The following SERPINE2 variants were observed in gnomAD, a reference collection of about 807,000 sequenced individuals.
SERPINE2 encodes the protein glia-derived nexin.
In SERPINE2, 14 loss-of-function variants were observed where a neutral mutation model predicts 36.3. The ratio of observed to expected loss-of-function variants is 0.39; its 90% confidence interval spans 0.25 to 0.60. SERPINE2 has a LOEUF of 0.60. SERPINE2 is among the 20% of genes least tolerant of loss of function. The pLI is 0.57. For synonymous variants in SERPINE2, 192 were observed against 191.8 expected, an observed-to-expected ratio of 1.00 and a Z score of -0.01; for missense variants, 418 against 499.6, an observed-to-expected ratio of 0.84 and a Z score of 1.56.
intron 1 of SERPINE2, among the ~76,000 whole-genome samples, chr2:224,002,965 C>G (rs149416069): frequency 1.3e-4 from 20 of 152,120 alleles, no homozygotes; most frequent in Non-Finnish European, 2.4e-4. Context: ...AATAAGCCAG[C>G]AAGCAATAAA....
At chr2:223,992,805 A>G (rs994079208) in intron 3 of SERPINE2, among the ~76,000 whole-genome samples, 15 of 152,196 alleles carry the variant, frequency 9.9e-5, no homozygotes, top group African/African-American at 3.6e-4. Context: ...TACAATTATT[A>G]TGGGTCAATG....
chr2:223,982,631 G>C (rs1481339410), intron 6 of SERPINE2, 50 bp downstream of exon 6: 6 of 1,137,248 alleles, frequency 5.3e-6, no homozygotes, highest in Non-Finnish European at 6.6e-6. Flanking sequence ...ATCAGTCTCA[G>C]TTTGTAACAC....
chr2:224,005,075 A>T (rs899370780), intron 1 of SERPINE2, among the ~76,000 whole-genome samples: 31 of 7,968 alleles, frequency 3.9e-3, no homozygotes, highest in Admixed American at 0.01. Flanking sequence ...TTATATATAT[A>T]TATATATATA....
chr2:224,034,983 G>A (rs6746836), intron 1 of SERPINE2, among the ~76,000 whole-genome samples: 4,341 of 152,278 alleles, frequency 0.029, 193 homozygotes, highest in African/African-American at 0.095. Context: ...CCAAACTTGT[G>A]ATATGACATG....
At chr2:223,990,190 G>C (rs1428503991) in intron 4 of SERPINE2, among the ~76,000 whole-genome samples, 2 of 152,170 alleles carry the variant, frequency 1.3e-5, no homozygotes, top group African/African-American at 4.8e-5. Flanking sequence ...GAGAGGGCAA[G>C]GGGGCCCAGA....
intron 3 of SERPINE2, among the ~76,000 whole-genome samples, chr2:223,996,114 G>C (rs908549764): frequency 6.6e-6 from 1 of 152,188 alleles, no homozygotes; most frequent in South Asian, 2.1e-4. Flanking sequence ...GAGTCTCCAT[G>C]CTTCTTCCCA....
intron 8 of SERPINE2, 118 bp from the exon 9 acceptor site, chr2:223,976,022 T>C (rs1689997171): frequency 4.9e-6 from 4 of 817,860 alleles, no homozygotes; most frequent in South Asian, 2.7e-5. Context: ...TGCTCAGTAG[T>C]GTCCAGTATA....
intron 2 of SERPINE2, among the ~76,000 whole-genome samples, chr2:224,001,302 C>T (rs943231788): frequency 1.3e-5 from 2 of 152,216 alleles, no homozygotes; most frequent in African/African-American, 4.8e-5. Context: ...ACAAGCACAT[C>T]TACGATCACA....
intron 4 of SERPINE2, among the ~76,000 whole-genome samples, chr2:223,985,792 T>C (rs1690405047): frequency 6.6e-6 from 1 of 152,232 alleles, no homozygotes; most frequent in Non-Finnish European, 1.5e-5. Flanking sequence ...CACCCTGCCC[T>C]ATTCACTCTT....
intron 4 of SERPINE2, among the ~76,000 whole-genome samples, chr2:223,989,131 A>G (rs1270081182): frequency 6.6e-6 from 1 of 152,230 alleles, no homozygotes; most frequent in Admixed American, 6.5e-5. Context: ...ATATAAATCT[A>G]CTAAAAATGA....
intron 2 of SERPINE2, among the ~76,000 whole-genome samples, chr2:223,998,930 T>A (rs1245013612): frequency 6.6e-6 from 1 of 152,208 alleles, no homozygotes; most frequent in Non-Finnish European, 1.5e-5. Flanking sequence ...ATTCTCATGG[T>A]AGCCTTTCTG....
At chr2:224,010,440 C>G in intron 1 of SERPINE2, 1 of 856,514 alleles carries the variant, frequency 1.2e-6, no homozygotes, top group Non-Finnish European at 1.4e-6. Flanking sequence ...CATCAAGTGC[C>G]TTTTATCCAT....
chr2:223,975,077 G>A lies in SERPINE2; in HGVS notation c.*790C>T, dbSNP rs777496442. The A allele has an allele frequency of 3.3e-5, 5 of 152,200 alleles. No homozygotes were observed. The highest frequency in any genetic ancestry group is 7.3e-5 in the Non-Finnish European group (5 of 68,034). The allele number at this position is 152,200 out of a possible 1,614,324, so 9.4% of individuals were successfully genotyped here. ...TTCCTGATGTTTACATAGTACAAAG[G>A]TTTATTAGAAGAGGCTGACGAATGT... is the stretch of plus-strand genomic sequence containing the variant. On this transcript the variant is annotated 3_prime_UTR_variant, in exon 9 of 9. Coordinates refer to ENST00000409304, the MANE Select transcript of SERPINE2 (RefSeq NM_001136528.2).
At chr2:224,035,927 T>C (rs1027979544) in intron 1 of SERPINE2, among the ~76,000 whole-genome samples, 5 of 151,982 alleles carry the variant, frequency 3.3e-5, no homozygotes, top group African/African-American at 1.2e-4. Context: ...ATGTGGGCAG[T>C]GCGGGAGCCT....
Position 223,975,803 on chromosome 2 carries a change from A to C in SERPINE2, c.*64T>G. 7.7e-7 allele frequency: 1 copy of C among 1,296,260 alleles called. No homozygotes were observed. The highest frequency in any genetic ancestry group is 1.1e-6 in the Non-Finnish European group (1 of 927,684). 80.3% of individuals were successfully genotyped at this position (1,296,260 alleles called of 1,614,324 possible). A position where few individuals can be genotyped will look rare whatever the true frequency, so the allele number is the denominator to read the frequency against. On this transcript the variant is annotated 3_prime_UTR_variant, in exon 9 of 9. Coordinates refer to ENST00000409304, the MANE Select transcript of SERPINE2 (RefSeq NM_001136528.2). ...TATTTAACAGAACTATGAAAGATGC[A>C]GGAAAGGAGTCTTTCTTCGTAGCAA...
At chr2:223,980,184 A>T in intron 7 of SERPINE2, 127 bp downstream of exon 7, 1 of 724,754 alleles carries the variant, frequency 1.4e-6, no homozygotes, top group Non-Finnish European at 2.4e-6. Flanking sequence ...CTGTCTCCTG[A>T]GGGTTAACCC....
At chr2:224,000,531 ATCTTT>A (rs1691074896) in intron 2 of SERPINE2, among the ~76,000 whole-genome samples, 1 of 151,960 alleles carries the variant, frequency 6.6e-6, no homozygotes, top group African/African-American at 2.4e-5. Flanking sequence ...ATCTATCTGT[ATCTTT>A]TCTTTAAGCT....
chr2:223,991,056 C>A (rs1025296708), intron 4 of SERPINE2, among the ~76,000 whole-genome samples: 6 of 152,258 alleles, frequency 3.9e-5, no homozygotes, highest in Non-Finnish European at 4.4e-5. Context: ...CCTCTGAGAC[C>A]TATCTCTATT....
chr2:224,009,279 C>T (rs1415000124), intron 1 of SERPINE2, among the ~76,000 whole-genome samples: 1 of 152,108 alleles, frequency 6.6e-6, no homozygotes, highest in Non-Finnish European at 1.5e-5. Flanking sequence ...GATCCTGGTT[C>T]TTGGAACCTA....
Sources: allele counts gnomAD v4.1 joint callset (sites outside exome capture counted in the v4.1 genomes callset), GRCh38; gene constraint gnomAD v4.1.1; transcripts MANE v1.5; gene names NCBI Gene and HGNC (gene_info 2026-07-23, HGNC 2026-07-21).